NRG1: variants seen among roughly 807,000 people sequenced by gnomAD.
NRG1 encodes pro-neuregulin-1, membrane-bound isoform.
NRG1 carries 18 observed loss-of-function variants against 63.8 expected under a neutral mutation model. The ratio of observed to expected loss-of-function variants is 0.28; its 90% CI spans 0.19 to 0.42. The LOEUF is 0.42. Among genes scored for constraint, NRG1 ranks in the 10% least tolerant of loss-of-function variants. NRG1 has a pLI of 1.00. For synonymous variants in NRG1, 302 were observed against 301.3 expected (o/e 1.00, Z -0.02); for missense variants, 762 against 814.7 (o/e 0.94, Z 0.79).
intron 1 of NRG1, among the ~76,000 whole-genome samples, chr8:32,011,185 C>T (rs551279794): frequency 2.5e-4 from 38 of 152,146 alleles, no homozygotes; most frequent in African/African-American, 7.5e-4. Context: ...AAAATGTATG[C>T]GTCTCCCGTA....
chr8:32,288,804 C>T (rs1853851031), intron 1 of NRG1, among the ~76,000 whole-genome samples: 1 of 152,164 alleles, frequency 6.6e-6, no homozygotes, highest in Non-Finnish European at 1.5e-5. Flanking sequence ...CTAGTAACAG[C>T]TTGAATCACT....
chr8:31,863,184 C>A (rs1397522433), intron 1 of NRG1, among the ~76,000 whole-genome samples: 1 of 152,172 alleles, frequency 6.6e-6, no homozygotes, highest in East Asian at 1.9e-4. Context: ...CTGAAATAAG[C>A]TCTCAAACTA....
At chr8:32,072,458 C>T (rs559312235) in intron 1 of NRG1, among the ~76,000 whole-genome samples, 103 of 152,100 alleles carry the variant, frequency 6.8e-4, no homozygotes, top group Non-Finnish European at 1.2e-3. Flanking sequence ...TTCTTTACCA[C>T]CCTTTGACTC....
intron 1 of NRG1, among the ~76,000 whole-genome samples, chr8:32,318,500 T>C (rs1801015195): frequency 6.6e-6 from 1 of 152,186 alleles, no homozygotes; most frequent in East Asian, 1.9e-4. Flanking sequence ...ACTTAACCTG[T>C]AACAGGCTGG....
chr8:31,936,872 G>T lies in NRG1; in HGVS notation c.37+297441G>T, dbSNP rs182837664. Among the ~76,000 whole-genome samples, 16 of 152,244 alleles carry T rather than the reference G, an allele frequency of 1.1e-4. No individual in the cohort carries two copies. In the South Asian group the frequency reaches 3.3e-3, roughly 32 times the overall value. On this transcript the variant is annotated intron_variant, in intron 1 of 10. Transcript: ENST00000519301. Reference sequence around the variant, plus strand: ...ATAAGAACTTTAATCTGGTGCAATTGCTCTTATAGCCAAGTAAATATAGTC... The same window carrying T: ...ATAAGAACTTTAATCTGGTGCAATTTCTCTTATAGCCAAGTAAATATAGTC...
intron 1 of NRG1, among the ~76,000 whole-genome samples, chr8:32,366,653 T>TAG (rs752372898): frequency 0.28 from 28,146 of 100,828 alleles, 4,552 homozygotes; most frequent in Non-Finnish European, 0.31. Context: ...GTAATATATA[T>TAG]TGTGTGTGTG....
chr8:31,867,657 T>C (rs1219553429), intron 1 of NRG1, among the ~76,000 whole-genome samples: 1 of 152,146 alleles, frequency 6.6e-6, no homozygotes, highest in Non-Finnish European at 1.5e-5. Context: ...TCACCAAATA[T>C]TAGCTGTTCA....
At chr8:31,649,737 G>A (rs2130872831) in intron 1 of NRG1, among the ~76,000 whole-genome samples, 1 of 152,260 alleles carries the variant, frequency 6.6e-6, no homozygotes, top group South Asian at 2.1e-4. Flanking sequence ...TTAGAGAATG[G>A]ACTTACAGAA....
At chr8:31,799,227 AC>A (rs1455811170) in intron 1 of NRG1, among the ~76,000 whole-genome samples, 1 of 152,088 alleles carries the variant, frequency 6.6e-6, no homozygotes, top group African/African-American at 2.4e-5. Flanking sequence ...GTATCTCTAA[AC>A]TTTTGATAGA....
chr8:32,214,074 A>C (rs1159235571), intron 1 of NRG1, among the ~76,000 whole-genome samples: 4 of 152,158 alleles, frequency 2.6e-5, no homozygotes, highest in Non-Finnish European at 5.9e-5. Context: ...TGGACTCCTA[A>C]GGGTCTAGAG....
At chr8:32,195,071 G>C (rs1356247880) in intron 1 of NRG1, among the ~76,000 whole-genome samples, 1 of 152,026 alleles carries the variant, frequency 6.6e-6, no homozygotes, top group Non-Finnish European at 1.5e-5. Flanking sequence ...GCATTTTCAG[G>C]AACACTTCAG....
At chr8:31,973,377 C>T (rs1807617247) in intron 1 of NRG1, among the ~76,000 whole-genome samples, 1 of 152,082 alleles carries the variant, frequency 6.6e-6, no homozygotes, top group African/African-American at 2.4e-5. Context: ...TTAACTTGTT[C>T]CTTTGTATAA....
At chr8:32,282,857 T>A (rs1302360212) in intron 1 of NRG1, among the ~76,000 whole-genome samples, 1 of 152,102 alleles carries the variant, frequency 6.6e-6, no homozygotes, top group Non-Finnish European at 1.5e-5. Context: ...GTAAAAAAAG[T>A]GTATCCATTG....
At chr8:32,154,069 C>G (rs1383870226) in intron 1 of NRG1, among the ~76,000 whole-genome samples, 1 of 152,160 alleles carries the variant, frequency 6.6e-6, no homozygotes, top group Non-Finnish European at 1.5e-5. Flanking sequence ...TCCCTGTCCT[C>G]TCTTCTCCAC....
intron 1 of NRG1, among the ~76,000 whole-genome samples, chr8:32,045,941 A>T (rs980277064): frequency 6.6e-6 from 1 of 152,046 alleles, no homozygotes; most frequent in Non-Finnish European, 1.5e-5. Flanking sequence ...GATAATTTAA[A>T]TTGGACTTTA....
At chr8:32,437,861 G>A (rs957747380) in intron 1 of NRG1, among the ~76,000 whole-genome samples, 2 of 152,000 alleles carry the variant, frequency 1.3e-5, no homozygotes, top group Non-Finnish European at 2.9e-5. Flanking sequence ...ATGCCTCTCA[G>A]CAAAAAGATA....
chr8:32,334,492 A>G lies in NRG1; in HGVS notation c.38-261336A>G, dbSNP rs141232818. Among the ~76,000 whole-genome samples, 1,348 of 152,314 alleles carry G rather than the reference A, an allele frequency of 8.9e-3. 75 individuals carry two copies. The highest frequency in any genetic ancestry group is 0.08 in the Admixed American group (1,222 of 15,296). On this transcript the variant is annotated intron_variant, in intron 1 of 10. Transcript: ENST00000519301. The stretch of plus-strand genomic sequence containing the variant: ...CTCTCCAAGGTTTGCCATTATTACT[A>G]TAAGGAAGTCCCAGCTCAGATGATT...
intron 1 of NRG1, among the ~76,000 whole-genome samples, chr8:32,158,448 GATATAT>G (rs36087607): frequency 0.18 from 11,443 of 62,188 alleles, 1,886 homozygotes; most frequent in African/African-American, 0.34. Context: ...TGGTTTACAT[GATATAT>G]ATATATATAT....
At chr8:32,412,275 A>G (rs1490210695) in intron 1 of NRG1, among the ~76,000 whole-genome samples, 1 of 151,680 alleles carries the variant, frequency 6.6e-6, no homozygotes, top group Non-Finnish European at 1.5e-5. Flanking sequence ...TCAGGCCTTC[A>G]GATTTAGACT....
Sources: allele counts gnomAD v4.1 joint callset (sites outside exome capture counted in the v4.1 genomes callset), GRCh38; gene constraint gnomAD v4.1.1; transcripts MANE v1.5; gene names NCBI Gene and HGNC (gene_info 2026-07-23, HGNC 2026-07-21).